The following VTI1A variants were observed in gnomAD, a reference collection of about 807,000 sequenced individuals.
VTI1A encodes the protein vesicle transport through interaction with t-SNAREs homolog 1A.
In VTI1A, 22 loss-of-function variants were observed where a neutral mutation model predicts 34.9. The ratio of observed to expected loss-of-function variants is 0.63; its 90% CI spans 0.45 to 0.90. The LOEUF is 0.90. VTI1A is among the 40% of genes least tolerant of loss of function. The probability of loss-of-function intolerance (pLI) is 0.00; values close to 1 mark genes in which losing one functional copy is unlikely to be tolerated. For synonymous variants in VTI1A, 87 were observed against 97.3 expected (o/e 0.89, Z 0.62); for missense variants, 268 against 275.6 (o/e 0.97, Z 0.20).
intron 5 of VTI1A, among the ~76,000 whole-genome samples, chr10:112,609,030 A>G (rs1845192927): frequency 6.6e-6 from 1 of 152,208 alleles, no homozygotes; most frequent in Non-Finnish European, 1.5e-5. Context: ...GAAGTTGGAA[A>G]TCGAAATCTA....
intron 3 of VTI1A, among the ~76,000 whole-genome samples, chr10:112,491,962 C>T (rs531858854): frequency 1.1e-4 from 16 of 152,332 alleles, no homozygotes; most frequent in Middle Eastern, 3.4e-3. Flanking sequence ...TTAGAAACTA[C>T]TGATGCCTGG....
intron 1 of VTI1A, among the ~76,000 whole-genome samples, chr10:112,451,688 T>C (rs1847244859): frequency 6.6e-6 from 1 of 152,212 alleles, no homozygotes; most frequent in South Asian, 2.1e-4. Flanking sequence ...CCCTGGAGGA[T>C]TGTCTAGACC....
intron 5 of VTI1A, among the ~76,000 whole-genome samples, chr10:112,614,904 A>AT (rs968907309): frequency 4.0e-5 from 6 of 151,684 alleles, no homozygotes; most frequent in South Asian, 2.1e-4. Flanking sequence ...ATGTGCCGTT[A>AT]TTTTTTTTTC....
intron 2 of VTI1A, among the ~76,000 whole-genome samples, chr10:112,461,781 A>C (rs1247697752): frequency 6.6e-6 from 1 of 152,174 alleles, no homozygotes; most frequent in East Asian, 1.9e-4. Flanking sequence ...ACAGTGGCAC[A>C]ATCTCGGCTC....
At chr10:112,626,409 G>GGT (rs199685142) in intron 5 of VTI1A, among the ~76,000 whole-genome samples, 2 of 53,450 alleles carry the variant, frequency 3.7e-5, no homozygotes, top group African/African-American at 3.9e-4. Flanking sequence ...TTGAATTTGA[G>GGT]ATATATAATC....
chr10:112,601,249 G>C (rs1844865481), intron 5 of VTI1A, among the ~76,000 whole-genome samples: 1 of 152,048 alleles, frequency 6.6e-6, no homozygotes. Flanking sequence ...AGGCAGAAAA[G>C]TCCAAGATGC....
At position 112,767,917 on chromosome 10, in the gene VTI1A, G is replaced by A. The variant is rs1175035145; in HGVS notation, c.561-47373G>A. On this transcript the variant is annotated intron_variant, in intron 7 of 7. Coordinates refer to ENST00000393077, the MANE Select transcript of VTI1A (RefSeq NM_145206.4). This position sits in a 1 kb window ranked among gnomAD's most constrained non-coding sequence, Gnocchi z 4.0. ...TTGGGGAGGGTGACCTGCAGGTCAT[G>A]TGCCCAGAGGCACTAGTGTCACAGA... Among the ~76,000 whole-genome samples the A allele has an allele frequency of 6.7e-6, 1 of 148,246 alleles. No homozygotes were observed. Among genetic ancestry groups the A allele is most frequent in the African/African-American group, 2.5e-5 (1 of 39,580 alleles).
At chr10:112,610,078 A>G (rs1200030443) in intron 5 of VTI1A, among the ~76,000 whole-genome samples, 4 of 152,208 alleles carry the variant, frequency 2.6e-5, no homozygotes, top group Non-Finnish European at 5.9e-5. Context: ...ACACACAGGA[A>G]AAGAAAAAAA....
intron 5 of VTI1A, among the ~76,000 whole-genome samples, chr10:112,645,636 T>G (rs775694246): frequency 8.5e-5 from 13 of 152,216 alleles, no homozygotes; most frequent in Non-Finnish European, 1.9e-4. Context: ...ATATGCCATT[T>G]AGAAAAATCA....
At chr10:112,677,907 C>G (rs1321586893) in intron 7 of VTI1A, 1 of 152,214 alleles carries the variant, frequency 6.6e-6, no homozygotes, top group Non-Finnish European at 1.5e-5. Context: ...TCAGGAGCCT[C>G]CTCACATTTG....
chr10:112,569,210 T>A (rs1852025896), intron 5 of VTI1A, among the ~76,000 whole-genome samples: 1 of 152,086 alleles, frequency 6.6e-6, no homozygotes, highest in African/African-American at 2.4e-5. Context: ...ATTGTGTGCC[T>A]TCTAGAAACC....
chr10:112,842,112 G>T, the VTI1A span, among the ~76,000 whole-genome samples: 1 of 132,566 alleles, frequency 7.5e-6, no homozygotes, highest in African/African-American at 2.9e-5. Flanking sequence ...TCCCAGGCTG[G>T]AGTGCAGTGG....
intron 5 of VTI1A, among the ~76,000 whole-genome samples, chr10:112,657,299 A>T (rs909867022): frequency 6.6e-6 from 1 of 152,032 alleles, no homozygotes; most frequent in East Asian, 1.9e-4. Context: ...TAATAACTTT[A>T]CTTTTTCCAT....
At chr10:112,792,038 G>T (rs1852498388) in intron 7 of VTI1A, among the ~76,000 whole-genome samples, 1 of 152,164 alleles carries the variant, frequency 6.6e-6, no homozygotes, top group African/African-American at 2.4e-5. Flanking sequence ...CACTTTGGAA[G>T]GCTGAGGCAG....
At chr10:112,775,550 G>A (rs1590173631) in intron 7 of VTI1A, among the ~76,000 whole-genome samples, 1 of 151,976 alleles carries the variant, frequency 6.6e-6, no homozygotes, top group Admixed American at 6.6e-5. Flanking sequence ...ATTACAAGTA[G>A]GATTCAAATT....
chr10:112,676,999 C>T (rs1034084591), intron 7 of VTI1A, among the ~76,000 whole-genome samples: 3 of 152,064 alleles, frequency 2.0e-5, no homozygotes, highest in Admixed American at 6.6e-5. Context: ...TTGAATATAG[C>T]GATTTTTTCA....
intron 2 of VTI1A, among the ~76,000 whole-genome samples, chr10:112,462,582 T>C (rs1223660866): frequency 2.0e-5 from 3 of 152,234 alleles, no homozygotes; most frequent in African/African-American, 7.2e-5. Flanking sequence ...AGTAATGATT[T>C]TATTTATTGG....
chr10:112,631,104 G>A (rs916426600), intron 5 of VTI1A, among the ~76,000 whole-genome samples: 6 of 151,902 alleles, frequency 3.9e-5, no homozygotes, highest in African/African-American at 1.5e-4. Flanking sequence ...ACTCCAGCCT[G>A]GGCAACAAGA....
intron 3 of VTI1A, among the ~76,000 whole-genome samples, chr10:112,472,266 TATGTG>T (rs1445802204): frequency 6.6e-6 from 1 of 152,196 alleles, no homozygotes; most frequent in Non-Finnish European, 1.5e-5. Context: ...TTTGGCAGGC[TATGTG>T]ATGTGATTGT....
Sources: gnomAD v4.1 joint callset for allele counts (sites outside exome capture counted in the v4.1 genomes callset) on GRCh38, gnomAD v4.1.1 for gene constraint, Gnocchi (gnomAD v3.1) non-coding constraint, MANE v1.5 for transcripts, NCBI Gene and HGNC (gene_info 2026-07-23, HGNC 2026-07-21) for gene names.